The following HS2ST1 variants were observed in gnomAD, a reference collection of about 807,000 sequenced individuals.
HS2ST1 encodes 2-O-sulfotransferase.
HS2ST1 carries 18 observed loss-of-function variants against 42.9 expected under a neutral mutation model. The ratio of observed to expected loss-of-function variants is 0.42; its 90% confidence interval spans 0.29 to 0.62. The LOEUF (loss-of-function observed/expected upper bound fraction) is 0.62. Ranked by LOEUF, HS2ST1 falls within the 20% of genes least tolerant of loss-of-function variation. The probability of loss-of-function intolerance (pLI) is 0.21; values close to 1 mark genes in which losing one functional copy is unlikely to be tolerated. For missense variants in HS2ST1, 334 were observed against 433.8 expected (o/e 0.77, Z 2.04); for synonymous variants, 146 against 152.9 (o/e 0.95, Z 0.33).
intron 1 of HS2ST1, among the ~76,000 whole-genome samples, chr1:86,935,386 A>G (rs1660623825): frequency 6.6e-6 from 1 of 150,586 alleles, no homozygotes; most frequent in Non-Finnish European, 1.5e-5. Flanking sequence ...ACTTCTCTGG[A>G]AATTTATTTC....
chr1:87,083,720 CT>C (rs1350945883), intron 2 of HS2ST1, among the ~76,000 whole-genome samples: 1 of 152,116 alleles, frequency 6.6e-6, no homozygotes, highest in Non-Finnish European at 1.5e-5. Context: ...TAACCATCAC[CT>C]TTTTAAAAAT....
chr1:87,047,086 A>G (rs1436035491), intron 1 of HS2ST1, among the ~76,000 whole-genome samples: 3 of 152,126 alleles, frequency 2.0e-5, no homozygotes, highest in African/African-American at 7.2e-5. Context: ...CCAGCAGTTC[A>G]TGAGAATTCC....
intron 4 of HS2ST1, among the ~76,000 whole-genome samples, chr1:87,096,633 T>C (rs901656770): frequency 9.9e-5 from 15 of 152,212 alleles, no homozygotes; most frequent in Non-Finnish European, 1.6e-4. Flanking sequence ...TTCTTATACA[T>C]TGTAGGATGT....
At chr1:87,012,019 A>G (rs1325642633) in intron 1 of HS2ST1, among the ~76,000 whole-genome samples, 2 of 152,210 alleles carry the variant, frequency 1.3e-5, no homozygotes, top group East Asian at 1.9e-4. Flanking sequence ...CATGCAATGC[A>G]TTGATTCATA....
At chr1:86,983,185 G>T (rs1171133983) in intron 1 of HS2ST1, among the ~76,000 whole-genome samples, 1 of 152,106 alleles carries the variant, frequency 6.6e-6, no homozygotes, top group African/African-American at 2.4e-5. Context: ...AAGCAAAAAT[G>T]ATTTCACTTT....
At position 86,979,679 on chromosome 1, in the gene HS2ST1, T is replaced by C. The variant is rs1186847188; in HGVS notation, c.124+64519T>C. Reference sequence around the variant, plus strand: ...GCTGCCATGAACCTGGGTGTACAAATATCTGTTTGAGTGCCTGCCTTTACT... The same window carrying C: ...GCTGCCATGAACCTGGGTGTACAAACATCTGTTTGAGTGCCTGCCTTTACT... On this transcript the variant is annotated intron_variant, in intron 1 of 6. Transcript: ENST00000370550. 2.6e-5 allele frequency among the ~76,000 whole-genome samples: 4 copies of C among 152,350 alleles called. No individual in the cohort carries two copies. The East Asian group carries it at 5.8e-4, about 22-fold the overall frequency.
chr1:87,082,156 G>A (rs551407469), intron 2 of HS2ST1, among the ~76,000 whole-genome samples: 1 of 152,240 alleles, frequency 6.6e-6, no homozygotes, highest in South Asian at 2.1e-4. Context: ...CAGAAGAAAT[G>A]AGAAGTCTTG....
At chr1:87,019,361 G>A (rs1427053015) in intron 1 of HS2ST1, among the ~76,000 whole-genome samples, 1 of 152,184 alleles carries the variant, frequency 6.6e-6, no homozygotes, top group Non-Finnish European at 1.5e-5. Context: ...AGGACATATA[G>A]CACTTGATCC....
intron 1 of HS2ST1, among the ~76,000 whole-genome samples, chr1:87,056,816 T>C (rs1650983380): frequency 6.6e-6 from 1 of 152,224 alleles, no homozygotes. Flanking sequence ...TATAACAGTA[T>C]ATATTCACTG....
chr1:87,102,258 A>G (rs918245084), intron 5 of HS2ST1, among the ~76,000 whole-genome samples: 10 of 152,178 alleles, frequency 6.6e-5, no homozygotes, highest in African/African-American at 2.4e-4. Context: ...GGGTTTCTCC[A>G]TGTTGGTCGG....
At chr1:86,921,196 G>C (rs1660286988) in intron 1 of HS2ST1, among the ~76,000 whole-genome samples, 1 of 151,976 alleles carries the variant, frequency 6.6e-6, no homozygotes, top group African/African-American at 2.4e-5. Flanking sequence ...GTATTGTTAT[G>C]GTGTTTTGTA....
chr1:86,926,851 G>A lies in HS2ST1; in HGVS notation c.124+11691G>A, dbSNP rs553008075. 2.6e-5 allele frequency among the ~76,000 whole-genome samples: 4 copies of A among 152,288 alleles called. No individual in the cohort carries two copies. In the South Asian group the frequency reaches 6.2e-4, roughly 24 times the overall value. ...GCAAGTTGTTAACTGAAAGTTAGGC[G>A]AGACTTATCCATGATAGTCCCACCT... is the stretch of plus-strand genomic sequence containing the variant. On this transcript the variant is annotated intron_variant, in intron 1 of 6. Coordinates refer to ENST00000370550, the MANE Select transcript of HS2ST1 (RefSeq NM_012262.4).
chr1:87,076,105 A>G (rs1651537464), intron 2 of HS2ST1, among the ~76,000 whole-genome samples: 1 of 135,332 alleles, frequency 7.4e-6, no homozygotes, highest in South Asian at 2.1e-4. Flanking sequence ...TTCCCTACCA[A>G]AATGTTTGAT....
intron 1 of HS2ST1, among the ~76,000 whole-genome samples, chr1:87,041,623 A>C (rs1012624138): frequency 1.3e-5 from 2 of 152,094 alleles, no homozygotes; most frequent in African/African-American, 4.8e-5. Context: ...GGCAACCATC[A>C]TTCTACTTTC....
chr1:87,060,214 C>G (rs1158873856), intron 1 of HS2ST1, among the ~76,000 whole-genome samples: 2 of 152,158 alleles, frequency 1.3e-5, no homozygotes, highest in Non-Finnish European at 2.9e-5. Flanking sequence ...CAACCATCTT[C>G]TGTCCCTCTG....
chr1:87,083,493 A>G (rs369537051), intron 2 of HS2ST1, among the ~76,000 whole-genome samples: 1 of 152,214 alleles, frequency 6.6e-6, no homozygotes, highest in Non-Finnish European at 1.5e-5. Flanking sequence ...CTTTGCAGCT[A>G]GTGATACTTA....
chr1:87,001,639 G>A (rs1200664267), intron 1 of HS2ST1, among the ~76,000 whole-genome samples: 1 of 152,162 alleles, frequency 6.6e-6, no homozygotes, highest in Non-Finnish European at 1.5e-5. Context: ...TTGAGACGAA[G>A]TTTCACTCTT....
At chr1:87,005,001 G>C (rs1487194602) in intron 1 of HS2ST1, among the ~76,000 whole-genome samples, 3 of 152,108 alleles carry the variant, frequency 2.0e-5, no homozygotes. Flanking sequence ...CCATTCCATG[G>C]TCCCAGTTTT....
intron 1 of HS2ST1, among the ~76,000 whole-genome samples, chr1:86,981,542 G>T (rs1339462954): frequency 6.6e-6 from 1 of 152,206 alleles, no homozygotes; most frequent in Non-Finnish European, 1.5e-5. Flanking sequence ...TTGCAACTTG[G>T]AGAAATTGGC....
Sources: allele counts gnomAD v4.1 joint callset (sites outside exome capture counted in the v4.1 genomes callset), GRCh38; gene constraint gnomAD v4.1.1; transcripts MANE v1.5; gene names NCBI Gene and HGNC (gene_info 2026-07-23, HGNC 2026-07-21).